IMMP2L: variants seen among roughly 807,000 people sequenced by gnomAD.
The protein encoded by IMMP2L is mitochondrial inner membrane protease subunit 2.
A neutral mutation model predicts 19.3 loss-of-function variants in IMMP2L; 18 were observed. The observed-to-expected ratio is 0.93, with a 90% CI of 0.64 to 1.38. The LOEUF (loss-of-function observed/expected upper bound fraction) is 1.38. IMMP2L is among the 40% of genes most tolerant of loss of function. The pLI, the probability that IMMP2L is intolerant of heterozygous loss-of-function variation, is 0.00. For synonymous variants in IMMP2L, 76 were observed against 73.0 expected (o/e 1.04, Z -0.21); for missense variants, 233 against 218.2 (o/e 1.07, Z -0.43).
chr7:111,023,543 C>CAA (rs5886587), intron 3 of IMMP2L, among the ~76,000 whole-genome samples: 3 of 133,086 alleles, frequency 2.3e-5, no homozygotes, highest in South Asian at 2.5e-4. Flanking sequence ...ACTAAAAATA[C>CAA]AAAAAAAAAA....
chr7:111,511,615 C>A (rs1181951989), intron 2 of IMMP2L, among the ~76,000 whole-genome samples: 2 of 149,874 alleles, frequency 1.3e-5, no homozygotes, highest in Non-Finnish European at 3.0e-5. Context: ...CGCCACTGCA[C>A]TCCAGCCTGG....
Position 111,539,178 on chromosome 7 carries a change from AGGAAGGAAGGAAGGAG to A in IMMP2L, c.-2-17745_-2-17730del, listed in dbSNP as rs1249599682. On this transcript the variant is annotated intron_variant, in intron 1 of 5. Coordinates refer to ENST00000405709, the MANE Select transcript of IMMP2L (RefSeq NM_032549.4). ...AAGGAAGGAAGGAAGGAAGGAAGGAAGGAAGGAAGGAAGGAGGGAGAAAGAAAGAAAGAAAGAAAGA... is the reference window on the plus strand; with the variant it reads ...AAGGAAGGAAGGAAGGAAGGAAGGAAGGAGAAAGAAAGAAAGAAAGAAAGA... 1.1e-3 allele frequency among the ~76,000 whole-genome samples: 78 copies of A among 68,864 alleles called. 4 individuals carry two copies. Among genetic ancestry groups the A allele is most frequent in the African/African-American group, 3.7e-3 (52 of 13,946 alleles). 45.2% of individuals were successfully genotyped at this position (68,864 alleles called of 152,430 possible).
chr7:110,924,234 T>G lies in IMMP2L; in HGVS notation c.306-37539A>C, dbSNP rs1438296564. On this transcript the variant is annotated intron_variant, in intron 4 of 5. Transcript: ENST00000405709. The surrounding 1 kb of genome is among the most constrained non-coding windows in gnomAD (Gnocchi z 4.2). Reference sequence around the variant, plus strand: ...GACAGCACTGTTTCTCCCCAGTGTGTCTTTAATTTCCTTTATTACAGCAAA... The same window carrying G: ...GACAGCACTGTTTCTCCCCAGTGTGGCTTTAATTTCCTTTATTACAGCAAA... Among the ~76,000 whole-genome samples, 1 of 152,228 alleles carries G rather than the reference T, an allele frequency of 6.6e-6. No homozygotes were observed. Among genetic ancestry groups the G allele is most frequent in the Non-Finnish European group, 1.5e-5 (1 of 68,032 alleles).
At chr7:111,014,105 T>A (rs1469417617) in intron 3 of IMMP2L, among the ~76,000 whole-genome samples, 2 of 152,164 alleles carry the variant, frequency 1.3e-5, no homozygotes, top group Non-Finnish European at 2.9e-5. Context: ...GCCTCACGCC[T>A]ATAATCCCAA....
At chr7:111,525,345 C>A (rs1015872645) in intron 1 of IMMP2L, among the ~76,000 whole-genome samples, 2 of 152,038 alleles carry the variant, frequency 1.3e-5, no homozygotes, top group African/African-American at 2.4e-5. Context: ...CACAGTGGGA[C>A]ATGAATGGGA....
intron 5 of IMMP2L, among the ~76,000 whole-genome samples, chr7:110,720,215 C>T (rs1233553322): frequency 6.6e-6 from 1 of 152,036 alleles, no homozygotes; most frequent in Non-Finnish European, 1.5e-5. Context: ...AAGAGGTACC[C>T]AAATTGGAAT....
At chr7:111,194,261 A>G (rs946541268) in intron 3 of IMMP2L, among the ~76,000 whole-genome samples, 2 of 152,156 alleles carry the variant, frequency 1.3e-5, no homozygotes, top group African/African-American at 4.8e-5. Context: ...TTCAATAAAC[A>G]TTTGATGAAC....
intron 4 of IMMP2L, among the ~76,000 whole-genome samples, chr7:110,925,422 A>T (rs2129550994): frequency 6.6e-6 from 1 of 152,254 alleles, no homozygotes; most frequent in East Asian, 1.9e-4. Flanking sequence ...ACTTGTTTTT[A>T]TAACTTAAAA....
chr7:111,210,645 A>T (rs1244567519), intron 3 of IMMP2L, among the ~76,000 whole-genome samples: 2 of 152,178 alleles, frequency 1.3e-5, no homozygotes, highest in Non-Finnish European at 2.9e-5. Flanking sequence ...TAGAAAAAAA[A>T]ATACTACATC....
intron 3 of IMMP2L, among the ~76,000 whole-genome samples, chr7:111,448,204 G>A (rs1443264391): frequency 2.2e-4 from 27 of 124,414 alleles, no homozygotes; most frequent in South Asian, 1.5e-3. Context: ...TGCACCAAGC[G>A]GACCTAATAG....
Position 111,064,214 on chromosome 7 carries a change from C to T in IMMP2L, c.240-100649G>A, listed in dbSNP as rs151156400. ...TCTTACTTTTTAAACCATCAGATCT[C>T]ATGGGATGCTTTCACTATCATAAGA... is the stretch of plus-strand genomic sequence containing the variant. On this transcript the variant is annotated intron_variant, in intron 3 of 5. Transcript: ENST00000405709. Among the ~76,000 whole-genome samples the T allele has an allele frequency of 1.6e-4, 24 of 152,298 alleles. No individual in the cohort carries two copies. The South Asian group carries it at 2.3e-3, about 14-fold the overall frequency.
rs1312962015 is a variant in IMMP2L, at chr7:110,963,555, T to C, written c.250A>G (p.Asn84Asp). 6.3e-7 allele frequency: 1 copy of C among 1,590,486 alleles called. No individual in the cohort carries two copies. The highest frequency in any genetic ancestry group is 8.6e-7 in the Non-Finnish European group (1 of 1,160,860). The change falls in exon 4 of 6, where the codon AAC becomes GAC. Residue 84 changes from asparagine (N) to aspartate (D), a missense_variant. Transcript: ENST00000405709. ...CTCTTAATGATCTTCTGTTCTGGGT[T>C]TTTAGGAGACCTAGAACAAGAAGAT... ...GDIVSLVSPK[N>D]PEQKIIKRVI...
intron 3 of IMMP2L, among the ~76,000 whole-genome samples, chr7:111,142,542 C>T (rs1196286906): frequency 1.3e-5 from 2 of 151,910 alleles, no homozygotes; most frequent in Non-Finnish European, 2.9e-5. Flanking sequence ...ATTTTTCTTT[C>T]CTGAACAGGA....
intron 5 of IMMP2L, among the ~76,000 whole-genome samples, chr7:110,773,189 A>G (rs1161531021): frequency 6.6e-6 from 1 of 152,018 alleles, no homozygotes; most frequent in East Asian, 1.9e-4. Context: ...GTGCTAGAAA[A>G]CCAAGGATTT....
At chr7:111,553,400 A>C (rs757963061) in intron 1 of IMMP2L, among the ~76,000 whole-genome samples, 8 of 152,204 alleles carry the variant, frequency 5.3e-5, no homozygotes, top group Non-Finnish European at 8.8e-5. Flanking sequence ...GACACAGTAT[A>C]TGTCCCTGCA....
chr7:111,195,814 G>GTTTAT (rs1016033669), intron 3 of IMMP2L, among the ~76,000 whole-genome samples: 9 of 8,260 alleles, frequency 1.1e-3, no homozygotes, highest in Non-Finnish European at 4.4e-3. Context: ...AATTTTTATT[G>GTTTAT]TTTATTTTAT....
chr7:110,825,476 T>A (rs1454276823), intron 5 of IMMP2L, among the ~76,000 whole-genome samples: 2 of 152,132 alleles, frequency 1.3e-5, no homozygotes, highest in Non-Finnish European at 2.9e-5. Context: ...ATGGTACTGG[T>A]ACCAAAACAG....
intron 3 of IMMP2L, among the ~76,000 whole-genome samples, chr7:111,192,883 G>C (rs1809046221): frequency 6.6e-6 from 1 of 152,120 alleles, no homozygotes. Context: ...TAGCTGATGA[G>C]GTAAGGGAGG....
At chr7:111,137,338 G>T (rs1281630806) in intron 3 of IMMP2L, among the ~76,000 whole-genome samples, 1 of 152,104 alleles carries the variant, frequency 6.6e-6, no homozygotes, top group Non-Finnish European at 1.5e-5. Context: ...TTTTCCATTG[G>T]AAGTAAAGAA....
Sources: gnomAD v4.1 joint callset for allele counts (sites outside exome capture counted in the v4.1 genomes callset) on GRCh38, gnomAD v4.1.1 for gene constraint, Gnocchi (gnomAD v3.1) non-coding constraint, MANE v1.5 for transcripts, NCBI Gene and HGNC (gene_info 2026-07-23, HGNC 2026-07-21) for gene names.